The following SUCLG1 variants were observed in gnomAD, a reference collection of about 807,000 sequenced individuals.
SUCLG1 encodes succinate--CoA ligase [ADP/GDP-forming] subunit alpha, mitochondrial.
SUCLG1 carries 26 observed loss-of-function variants against 37.3 expected under a neutral mutation model. That is an observed-to-expected ratio of 0.70 (90% CI 0.51 to 0.97). SUCLG1 has a LOEUF of 0.97. Among genes scored for constraint, SUCLG1 ranks in the 50% least tolerant of loss-of-function variants. SUCLG1 has a pLI of 0.00. For synonymous variants in SUCLG1, 163 were observed against 155.6 expected (o/e 1.05, Z -0.36); for missense variants, 433 against 432.9 (o/e 1.00, Z 0.00).
chr2:84,431,789 C>T (rs1672617820), intron 6 of SUCLG1, 130 bp from the exon 7 acceptor site: 4 of 893,818 alleles, frequency 4.5e-6, no homozygotes, highest in African/African-American at 3.4e-5. Context: ...TGTATCATTG[C>T]TCTTGCATTT....
At chr2:84,455,678 AC>A (rs1261564302) in intron 1 of SUCLG1, among the ~76,000 whole-genome samples, 2 of 151,794 alleles carry the variant, frequency 1.3e-5, no homozygotes, top group African/African-American at 4.8e-5. Context: ...TACTAAAAAT[AC>A]AAAAAAATTA....
In SUCLG1 at chr2:84,443,360, T is replaced by C. The variant is rs564792232; in HGVS notation, c.242A>G (p.Lys81Arg). 6.3e-5 allele frequency: 102 copies of C among 1,614,062 alleles called. No individual in the cohort carries two copies. The East Asian group carries it at 2.1e-3, about 34-fold the overall frequency. The change falls in exon 3 of 9, where the codon AAA becomes AGA. Residue 81 changes from lysine to arginine, a missense_variant. Transcript: ENST00000393868. ...CCCTGGAGTGGTTCCTCCAACGAGT[T>C]TGGTGCCATATTCCAATGCCTGCTG... ...HSQQALEYGT[K>R]LVGGTTPGKG...
intron 8 of SUCLG1, among the ~76,000 whole-genome samples, chr2:84,424,810 A>C (rs1672510280): frequency 1.3e-5 from 2 of 152,202 alleles, no homozygotes. Flanking sequence ...ATTACTTAGA[A>C]TATTTAAACC....
Position 84,423,572 on chromosome 2 carries a change from G to T in SUCLG1, c.*174C>A. On this transcript the variant is annotated 3_prime_UTR_variant, in exon 9 of 9. Transcript: ENST00000393868. ...TTATTGGCTGTCTCTGTAATACAATGTGGTGAAAACATCTTAATTCAGGAC... is the reference window on the plus strand; with the variant it reads ...TTATTGGCTGTCTCTGTAATACAATTTGGTGAAAACATCTTAATTCAGGAC... 1 of 682,314 alleles carries T rather than the reference G, an allele frequency of 1.5e-6. No individual in the cohort carries two copies. Among genetic ancestry groups the T allele is most frequent in the Non-Finnish European group, 2.7e-6 (1 of 374,948 alleles). 42.3% of individuals were successfully genotyped at this position (682,314 alleles called of 1,614,324 possible).
At chr2:84,447,518 G>A (rs1672868172) in intron 2 of SUCLG1, among the ~76,000 whole-genome samples, 1 of 151,938 alleles carries the variant, frequency 6.6e-6, no homozygotes, top group Admixed American at 6.6e-5. Flanking sequence ...TTGGCAAACA[G>A]AAAAAATTAT....
intron 5 of SUCLG1, among the ~76,000 whole-genome samples, chr2:84,437,953 C>T (rs1309692063): frequency 6.6e-6 from 1 of 152,170 alleles, no homozygotes; most frequent in African/African-American, 2.4e-5. Flanking sequence ...TATAAATAGG[C>T]AATCCCAGAA....
intron 5 of SUCLG1, among the ~76,000 whole-genome samples, chr2:84,440,501 G>C (rs919227768): frequency 3.3e-5 from 5 of 152,202 alleles, no homozygotes; most frequent in Non-Finnish European, 7.3e-5. Flanking sequence ...TTCTTATAAA[G>C]TTAAATATAC....
intron 7 of SUCLG1, among the ~76,000 whole-genome samples, chr2:84,429,588 C>A (rs1672586681): frequency 6.6e-6 from 1 of 151,978 alleles, no homozygotes; most frequent in African/African-American, 2.4e-5. Flanking sequence ...GCATTCCTTG[C>A]AGAAGGAACA....
At chr2:84,425,805 G>A (rs529077326) in intron 7 of SUCLG1, 9 of 621,244 alleles carry the variant, frequency 1.4e-5, no homozygotes, top group East Asian at 1.1e-4. Context: ...ACAAACTCAG[G>A]AATACAACAC....
intron 3 of SUCLG1, among the ~76,000 whole-genome samples, chr2:84,441,759 A>G (rs1558612022): frequency 6.6e-6 from 1 of 152,198 alleles, no homozygotes; most frequent in Admixed American, 6.5e-5. Context: ...GAATGCCAAC[A>G]TATCATCCAC....
intron 1 of SUCLG1, among the ~76,000 whole-genome samples, chr2:84,452,405 C>T (rs17025065): frequency 0.015 from 2,236 of 152,288 alleles, 38 homozygotes; most frequent in Middle Eastern, 0.095. Context: ...TTAATGTCCT[C>T]AACTTTCTGA....
intron 6 of SUCLG1, chr2:84,432,670 T>A (rs113185728): frequency 3.2e-4 from 48 of 152,322 alleles, no homozygotes; most frequent in African/African-American, 1.2e-3. Context: ...ATAAAAACAC[T>A]CCAGAGCTAT....
At chr2:84,437,177 C>T (rs1672700279) in intron 5 of SUCLG1, among the ~76,000 whole-genome samples, 1 of 152,156 alleles carries the variant, frequency 6.6e-6, no homozygotes, top group Non-Finnish European at 1.5e-5. Context: ...ATAATGCCTA[C>T]CTACTTATGT....
chr2:84,458,412 T>G (rs1243006801), intron 1 of SUCLG1: 4 of 152,232 alleles, frequency 2.6e-5, no homozygotes, highest in Non-Finnish European at 4.4e-5. Context: ...CTTCAAACCC[T>G]GATGTGGCTG....
intron 8 of SUCLG1, 29 bp from the exon 9 acceptor site, chr2:84,423,801 A>T: frequency 6.3e-7 from 1 of 1,598,030 alleles, no homozygotes; most frequent in Non-Finnish European, 8.5e-7. Context: ...GAGAGAAGAG[A>T]GATGGAATGA....
intron 1 of SUCLG1, among the ~76,000 whole-genome samples, chr2:84,457,180 T>TA (rs1399385456): frequency 2.6e-5 from 4 of 151,728 alleles, no homozygotes; most frequent in Admixed American, 1.3e-4. Flanking sequence ...GGTCCCTTTT[T>TA]AAAAAAAAAG....
intron 1 of SUCLG1, among the ~76,000 whole-genome samples, chr2:84,454,827 C>G (rs1252775982): frequency 6.6e-6 from 1 of 152,112 alleles, no homozygotes; most frequent in Non-Finnish European, 1.5e-5. Flanking sequence ...TCAAAGAGCA[C>G]CTGCCCAGGA....
chr2:84,424,713 T>C (rs1208662909), intron 8 of SUCLG1, among the ~76,000 whole-genome samples: 2 of 151,880 alleles, frequency 1.3e-5, no homozygotes, highest in Non-Finnish European at 2.9e-5. Flanking sequence ...TATACCATCA[T>C]AAAAATAATG....
In SUCLG1 at chr2:84,423,734, T is replaced by A; in HGVS notation, c.*12A>T. On this transcript the variant is annotated 3_prime_UTR_variant, in exon 9 of 9. Coordinates refer to ENST00000393868, the MANE Select transcript of SUCLG1 (RefSeq NM_003849.4). ...TGATCCATTCCACAGTTTTAGGAATTTTTTTTTTCTTTCATAGCATCTTCC... is the reference window on the plus strand; with the variant it reads ...TGATCCATTCCACAGTTTTAGGAATATTTTTTTTCTTTCATAGCATCTTCC... 3 of 1,599,168 alleles carry A rather than the reference T, an allele frequency of 1.9e-6. No individual in the cohort carries two copies. The highest frequency in any genetic ancestry group is 2.6e-6 in the Non-Finnish European group (3 of 1,170,552).
Sources: gnomAD v4.1 joint callset for allele counts (sites outside exome capture counted in the v4.1 genomes callset) on GRCh38, gnomAD v4.1.1 for gene constraint, MANE v1.5 for transcripts, NCBI Gene and HGNC (gene_info 2026-07-23, HGNC 2026-07-21) for gene names.